The following PEAK1 variants were observed in gnomAD, a reference collection of about 807,000 sequenced individuals.
The protein encoded by PEAK1 is inactive tyrosine-protein kinase PEAK1.
In PEAK1, 54 loss-of-function variants were observed where a neutral mutation model predicts 124.7. The ratio of observed to expected loss-of-function variants is 0.43; its 90% CI spans 0.35 to 0.54. PEAK1 has a LOEUF of 0.54. Ranked by LOEUF, PEAK1 falls within the 20% of genes least tolerant of loss-of-function variation. The pLI, the probability that PEAK1 is intolerant of heterozygous loss-of-function variation, is 0.01. For synonymous variants in PEAK1, 719 were observed against 760.0 expected (o/e 0.95, Z 0.89); for missense variants, 2,046 against 2,134.5 (o/e 0.96, Z 0.82).
At chr15:77,278,325 C>G (rs1597074304) in intron 5 of PEAK1, 1 of 212,990 alleles carries the variant, frequency 4.7e-6, no homozygotes, top group East Asian at 1.4e-4. Flanking sequence ...AAAAATTAAG[C>G]TGAGAGAAAG....
Position 77,281,700 on chromosome 15 carries a change from T to C in PEAK1, c.-275+2183A>G, listed in dbSNP as rs116107036. ...TACAGGAGAATAATTTTTGAATATT[T>C]ATGAAAATCATCCAAATTTCTCACA... On this transcript the variant is annotated intron_variant, in intron 5 of 9. Coordinates refer to ENST00000682557, the MANE Select transcript of PEAK1 (RefSeq NM_001385026.1). Among the ~76,000 whole-genome samples the C allele has an allele frequency of 5.0e-3, 765 of 152,292 alleles. 4 individuals carry two copies. The highest frequency in any genetic ancestry group is 0.016 in the African/African-American group (662 of 41,572).
intron 5 of PEAK1, among the ~76,000 whole-genome samples, chr15:77,273,290 A>G (rs1233992222): frequency 6.6e-6 from 1 of 152,146 alleles, no homozygotes; most frequent in Non-Finnish European, 1.5e-5. Context: ...AGAAAGAAAT[A>G]AAGGGCAGCC....
chr15:77,127,777 T>A (rs113684153), intron 9 of PEAK1, among the ~76,000 whole-genome samples: 2 of 152,138 alleles, frequency 1.3e-5, no homozygotes, highest in Non-Finnish European at 2.9e-5. Flanking sequence ...TTGCAGTCTA[T>A]CCATACTGTG....
chr15:77,208,070 G>A (rs1404910532), intron 6 of PEAK1, among the ~76,000 whole-genome samples: 3 of 152,228 alleles, frequency 2.0e-5, no homozygotes, highest in African/African-American at 7.2e-5. Flanking sequence ...CCAACATTAA[G>A]CAAACTGTGC....
At chr15:77,135,439 A>G (rs1169518589) in intron 8 of PEAK1, among the ~76,000 whole-genome samples, 1 of 152,230 alleles carries the variant, frequency 6.6e-6, no homozygotes, top group Non-Finnish European at 1.5e-5. Flanking sequence ...TACTTACACG[A>G]ACCTAGATGG....
chr15:77,269,105 T>A (rs374126635), intron 5 of PEAK1, among the ~76,000 whole-genome samples: 1,595 of 134,838 alleles, frequency 0.012, 27 homozygotes, highest in African/African-American at 0.041. Flanking sequence ...AACAACACAA[T>A]GAAAAAAAAA....
intron 1 of PEAK1, among the ~76,000 whole-genome samples, chr15:77,405,723 C>A (rs1174910291): frequency 1.3e-5 from 2 of 152,140 alleles, no homozygotes; most frequent in African/African-American, 4.8e-5. Context: ...CAAAACATAT[C>A]CATTCCTAGG....
downstream of PEAK1, chr15:77,107,991 G>A (rs2050780736): frequency 6.6e-6 from 1 of 152,260 alleles, no homozygotes; most frequent in African/African-American, 2.4e-5. Context: ...CATGTCAGCA[G>A]GGGATGAGGA....
intron 1 of PEAK1, chr15:77,419,080 T>A: frequency 1.0e-6 from 1 of 985,420 alleles, no homozygotes; most frequent in Non-Finnish European, 1.2e-6. Context: ...TTCCTCTAAC[T>A]CATCACTACC....
At chr15:77,262,861 G>C (rs560028509) in intron 5 of PEAK1, among the ~76,000 whole-genome samples, 11 of 152,078 alleles carry the variant, frequency 7.2e-5, no homozygotes, top group African/African-American at 2.2e-4. Context: ...AAGTAAAGCA[G>C]TCCTCAGCAA....
chr15:77,165,639 T>C (rs1256257543), intron 7 of PEAK1, among the ~76,000 whole-genome samples: 3 of 152,124 alleles, frequency 2.0e-5, no homozygotes, highest in Non-Finnish European at 4.4e-5. Flanking sequence ...TGAGAAATGA[T>C]AACATACACT....
intron 2 of PEAK1, chr15:77,337,968 T>A (rs1321189529): frequency 1.0e-6 from 1 of 984,074 alleles, no homozygotes; most frequent in African/African-American, 1.7e-5. Flanking sequence ...GGAAGTACCA[T>A]CATACCACTT....
intron 6 of PEAK1, chr15:77,239,922 TTC>T (rs1227185243): frequency 1.7e-4 from 136 of 796,382 alleles, no homozygotes; most frequent in Non-Finnish European, 2.0e-4. Flanking sequence ...AATTATATGT[TTC>T]TGTTTGTATT....
chr15:77,351,908 C>A lies in PEAK1; in HGVS notation c.-603+13255G>T, dbSNP rs75928244. 3.1e-5 allele frequency: 31 copies of A among 985,372 alleles called. No homozygotes were observed. In the East Asian group the frequency reaches 3.1e-3, roughly 97 times the overall value. 61.0% of individuals were successfully genotyped at this position (985,372 alleles called of 1,614,324 possible). A position where few individuals can be genotyped will look rare whatever the true frequency, so the allele number is the denominator to read the frequency against. Reference sequence around the variant, plus strand: ...GAATAAAGTCTAAAGGTAATGAAGTCTGGTAGACCTATTATAAGATTATTA... The same window carrying A: ...GAATAAAGTCTAAAGGTAATGAAGTATGGTAGACCTATTATAAGATTATTA... On this transcript the variant is annotated intron_variant, in intron 2 of 9. Transcript: ENST00000682557.
chr15:77,174,384 G>A (rs569908011), intron 7 of PEAK1, among the ~76,000 whole-genome samples: 32 of 152,196 alleles, frequency 2.1e-4, no homozygotes, highest in African/African-American at 7.2e-4. Flanking sequence ...GCTCCCAGCC[G>A]TGGGGTGGTA....
intron 1 of PEAK1, among the ~76,000 whole-genome samples, chr15:77,413,189 A>G (rs1210334195): frequency 6.6e-6 from 1 of 152,226 alleles, no homozygotes; most frequent in East Asian, 1.9e-4. Flanking sequence ...AAAGCCTCAA[A>G]GTAGCTCTCT....
chr15:77,155,810 A>T, intron 8 of PEAK1: 1 of 153,626 alleles, frequency 6.5e-6, no homozygotes, highest in Non-Finnish European at 1.4e-5. Flanking sequence ...TGGCTGTAGA[A>T]CAGTGGATTT....
intron 6 of PEAK1, among the ~76,000 whole-genome samples, chr15:77,199,302 A>G (rs1249038852): frequency 6.6e-6 from 1 of 152,226 alleles, no homozygotes; most frequent in East Asian, 1.9e-4. Context: ...CTGGCCACCC[A>G]GAATACCATG....
At chr15:77,182,800 G>A (rs543498623) in intron 6 of PEAK1, among the ~76,000 whole-genome samples, 53 of 146,758 alleles carry the variant, frequency 3.6e-4, no homozygotes, top group African/African-American at 1.3e-3. Flanking sequence ...GCCAGATCAT[G>A]CAAGGCCTTT....
Sources: allele counts gnomAD v4.1 joint callset (sites outside exome capture counted in the v4.1 genomes callset), GRCh38; gene constraint gnomAD v4.1.1; transcripts MANE v1.5; gene names NCBI Gene and HGNC (gene_info 2026-07-23, HGNC 2026-07-21).